The following PTPRT variants were observed in gnomAD, a reference collection of about 807,000 sequenced individuals.
PTPRT encodes the protein protein tyrosine phosphatase receptor type T, also known as receptor-type tyrosine-protein phosphatase T.
PTPRT carries 56 observed loss-of-function variants against 176.8 expected under a neutral mutation model. The observed-to-expected ratio is 0.32, with a 90% CI of 0.26 to 0.40. PTPRT has a LOEUF of 0.40. Among genes scored for constraint, PTPRT ranks in the 10% least tolerant of loss-of-function variants. The pLI is 1.00. For missense variants in PTPRT, 1,540 were observed against 1,908.2 expected (o/e 0.81, Z 3.60); for synonymous variants, 783 against 739.0 (o/e 1.06, Z -0.96).
At chr20:43,000,531 A>G (rs1057375343) in intron 1 of PTPRT, among the ~76,000 whole-genome samples, 31 of 152,230 alleles carry the variant, frequency 2.0e-4, no homozygotes, top group Non-Finnish European at 2.6e-4. Flanking sequence ...TGAAATTATA[A>G]GACAATAAAG....
intron 6 of PTPRT, among the ~76,000 whole-genome samples, chr20:42,737,055 A>G (rs1385563358): frequency 6.6e-6 from 1 of 152,224 alleles, no homozygotes. Flanking sequence ...TGCGGATTCA[A>G]TTGTGTCAAC....
At chr20:42,130,874 T>C (rs1478500580) in intron 18 of PTPRT, among the ~76,000 whole-genome samples, 1 of 152,130 alleles carries the variant, frequency 6.6e-6, no homozygotes, top group East Asian at 1.9e-4. Flanking sequence ...TCATGGTAGG[T>C]AAGAGAAACT....
intron 1 of PTPRT, among the ~76,000 whole-genome samples, chr20:43,124,370 A>G (rs1422638532): frequency 1.3e-5 from 2 of 152,212 alleles, no homozygotes; most frequent in Admixed American, 1.3e-4. Context: ...GACCCCAGTC[A>G]ACTATAAATT....
At chr20:42,287,729 C>G (rs1303976466) in intron 12 of PTPRT, among the ~76,000 whole-genome samples, 1 of 151,768 alleles carries the variant, frequency 6.6e-6, no homozygotes, top group Non-Finnish European at 1.5e-5. Context: ...ACTGAATGTT[C>G]CCAACACAAA....
chr20:42,468,305 C>T (rs527497358), intron 8 of PTPRT, among the ~76,000 whole-genome samples: 11 of 152,274 alleles, frequency 7.2e-5, no homozygotes, highest in African/African-American at 9.6e-5. Context: ...ACTAGAGCCA[C>T]GCTCTAGCCT....
chr20:42,925,017 G>A (rs1600562414), intron 1 of PTPRT, among the ~76,000 whole-genome samples: 1 of 152,170 alleles, frequency 6.6e-6, no homozygotes. Context: ...CGGCTGCATT[G>A]AGCCTTTCAA....
At chr20:42,449,717 C>T (rs887602039) in intron 8 of PTPRT, among the ~76,000 whole-genome samples, 3 of 152,158 alleles carry the variant, frequency 2.0e-5, no homozygotes, top group African/African-American at 7.2e-5. Flanking sequence ...CATCACGCTA[C>T]GCCTCTCTAC....
At chr20:42,799,396 ACTT>A (rs1214278449) in intron 2 of PTPRT, among the ~76,000 whole-genome samples, 1 of 152,156 alleles carries the variant, frequency 6.6e-6, no homozygotes, top group East Asian at 1.9e-4. Context: ...TACCCAGCAT[ACTT>A]CTTCTGGTCC....
chr20:42,664,723 C>T (rs1907568193), intron 7 of PTPRT, among the ~76,000 whole-genome samples: 2 of 152,112 alleles, frequency 1.3e-5, no homozygotes, highest in African/African-American at 2.4e-5. Flanking sequence ...TCTGCCCTGG[C>T]CTCCCAAAGT....
At chr20:42,296,950 A>G (rs1179898042) in intron 12 of PTPRT, among the ~76,000 whole-genome samples, 1 of 152,136 alleles carries the variant, frequency 6.6e-6, no homozygotes, top group Non-Finnish European at 1.5e-5. Context: ...AAAGAAATAT[A>G]TAAATATATC....
intron 1 of PTPRT, among the ~76,000 whole-genome samples, chr20:42,962,607 A>G (rs6030570): frequency 9.2e-5 from 14 of 152,358 alleles, no homozygotes; most frequent in African/African-American, 3.4e-4. Context: ...ATTTCTTTAC[A>G]ATACTGGGCT....
chr20:42,570,258 C>T (rs1482496414), intron 7 of PTPRT, among the ~76,000 whole-genome samples: 2 of 152,164 alleles, frequency 1.3e-5, no homozygotes, highest in African/African-American at 2.4e-5. Context: ...ACCTGGAAAC[C>T]CGCCGTGTCC....
chr20:42,169,247 G>A (rs540708462), intron 16 of PTPRT, among the ~76,000 whole-genome samples: 9 of 152,244 alleles, frequency 5.9e-5, no homozygotes, highest in East Asian at 3.9e-4. Flanking sequence ...TTTCCGAGAC[G>A]CAGATTCAGT....
intron 17 of PTPRT, among the ~76,000 whole-genome samples, chr20:42,149,120 G>A (rs1020794634): frequency 1.3e-5 from 2 of 152,178 alleles, no homozygotes; most frequent in Non-Finnish European, 2.9e-5. Context: ...GTGTGTCCCT[G>A]CTGATCTCTG....
intron 2 of PTPRT, among the ~76,000 whole-genome samples, chr20:42,853,252 A>G (rs1218504249): frequency 6.6e-6 from 1 of 152,236 alleles, no homozygotes; most frequent in Non-Finnish European, 1.5e-5. Flanking sequence ...AAGGTTCTCC[A>G]GAGAAATAGA....
At chr20:42,464,435 T>C (rs1031513309) in intron 8 of PTPRT, among the ~76,000 whole-genome samples, 4 of 152,126 alleles carry the variant, frequency 2.6e-5, no homozygotes, top group Non-Finnish European at 5.9e-5. Context: ...GAATTATATA[T>C]TGGGTGGTCA....
intron 13 of PTPRT, among the ~76,000 whole-genome samples, chr20:42,265,926 G>C (rs2056831896): frequency 6.6e-6 from 1 of 152,174 alleles, no homozygotes; most frequent in Non-Finnish European, 1.5e-5. Flanking sequence ...GAGAGTGTAT[G>C]ATGACCTGAA....
the PTPRT span, among the ~76,000 whole-genome samples, chr20:42,051,420 G>A: frequency 2.0e-5 from 3 of 152,198 alleles, no homozygotes; most frequent in African/African-American, 7.2e-5. Context: ...GGCAAGGAGG[G>A]AAAAGAATTG....
At chr20:42,197,239 C>T (rs528092455) in intron 16 of PTPRT, among the ~76,000 whole-genome samples, 4 of 151,726 alleles carry the variant, frequency 2.6e-5, no homozygotes, top group South Asian at 4.2e-4. Context: ...ATTAGCCACG[C>T]GTGGTGGTGG....
Sources: gnomAD v4.1 joint callset for allele counts (sites outside exome capture counted in the v4.1 genomes callset) on GRCh38, gnomAD v4.1.1 for gene constraint, MANE v1.5 for transcripts, NCBI Gene and HGNC (gene_info 2026-07-23, HGNC 2026-07-21) for gene names.